SRGAP1: variants seen among roughly 807,000 people sequenced by gnomAD.
SRGAP1 encodes the protein SLIT-ROBO Rho GTPase-activating protein 1.
A neutral mutation model predicts 121.9 loss-of-function variants in SRGAP1; 43 were observed. That is an observed-to-expected ratio of 0.35 (90% CI 0.28 to 0.46). The LOEUF is 0.46. Among genes scored for constraint, SRGAP1 ranks in the 20% least tolerant of loss-of-function variants. The pLI is 1.00. For missense variants in SRGAP1, 1,102 were observed against 1,350.9 expected (o/e 0.82, Z 2.89); for synonymous variants, 447 against 485.4 (o/e 0.92, Z 1.04).
intron 4 of SRGAP1, among the ~76,000 whole-genome samples, chr12:64,033,945 G>A (rs753354712): frequency 2.0e-5 from 3 of 151,958 alleles, no homozygotes; most frequent in South Asian, 2.1e-4. Context: ...GCTTGAACCC[G>A]GTGTGAGGGG....
At chr12:64,048,311 G>T (rs888618491) in intron 6 of SRGAP1, among the ~76,000 whole-genome samples, 2 of 152,092 alleles carry the variant, frequency 1.3e-5, no homozygotes, top group Non-Finnish European at 2.9e-5. Context: ...TTCCACCCAT[G>T]TTGTTGCAAA....
intron 1 of SRGAP1, among the ~76,000 whole-genome samples, chr12:63,926,386 G>T (rs1052078463): frequency 2.0e-5 from 3 of 152,130 alleles, no homozygotes; most frequent in African/African-American, 4.8e-5. Flanking sequence ...CATAGGAGAG[G>T]AAAGTGAAGG....
In SRGAP1 at chr12:64,145,915, A is replaced by G. The variant is rs1013659559; in HGVS notation, c.*3243A>G. On this transcript the variant is annotated 3_prime_UTR_variant, in exon 22 of 22. Coordinates refer to ENST00000355086, the MANE Select transcript of SRGAP1 (RefSeq NM_020762.4). ...GGAGGGGAGCTTTTTGATGGTGGGTAAATAATGGCTCTACAAAGATTACCT... is the reference window on the plus strand; with the variant it reads ...GGAGGGGAGCTTTTTGATGGTGGGTGAATAATGGCTCTACAAAGATTACCT... 6.6e-6 allele frequency: 1 copy of G among 152,162 alleles called. No individual in the cohort carries two copies. Among genetic ancestry groups the G allele is most frequent in the Non-Finnish European group, 1.5e-5 (1 of 68,044 alleles). The allele number at this position is 152,162 out of a possible 1,614,324, so 9.4% of individuals were successfully genotyped here.
chr12:64,078,842 C>A, intron 8 of SRGAP1, 77 bp from the exon 9 acceptor site: 1 of 1,489,126 alleles, frequency 6.7e-7, no homozygotes, highest in Non-Finnish European at 9.1e-7. Flanking sequence ...TCATCTCTAC[C>A]TGACAGAGTG....
At chr12:63,907,846 C>T (rs1041299545) in intron 1 of SRGAP1, among the ~76,000 whole-genome samples, 8 of 152,186 alleles carry the variant, frequency 5.3e-5, no homozygotes, top group African/African-American at 1.9e-4. Flanking sequence ...CTAGCCCTTA[C>T]ATTTAGGCCT....
At chr12:63,951,099 A>G (rs571587982) in intron 1 of SRGAP1, among the ~76,000 whole-genome samples, 4 of 144,710 alleles carry the variant, frequency 2.8e-5, no homozygotes, top group South Asian at 2.3e-4. Flanking sequence ...CCTGACACAT[A>G]GTAAGTACTT....
intron 8 of SRGAP1, among the ~76,000 whole-genome samples, chr12:64,074,521 G>A (rs1287987003): frequency 6.6e-6 from 1 of 152,114 alleles, no homozygotes; most frequent in East Asian, 1.9e-4. Context: ...AGCCCAAGAA[G>A]GCCAGGGTCT....
chr12:64,119,332 T>C (rs867221171), intron 18 of SRGAP1, among the ~76,000 whole-genome samples: 22 of 152,222 alleles, frequency 1.4e-4, no homozygotes, highest in Admixed American at 2.6e-4. Context: ...ACCTCTGCTT[T>C]GTAATTCTTG....
intron 1 of SRGAP1, among the ~76,000 whole-genome samples, chr12:63,856,397 A>G (rs2136260474): frequency 6.6e-6 from 1 of 152,294 alleles, no homozygotes; most frequent in Non-Finnish European, 1.5e-5. Context: ...CTCTAAAGTC[A>G]GGAAGATACC....
intron 3 of SRGAP1, among the ~76,000 whole-genome samples, chr12:64,008,364 G>A (rs2034149814): frequency 6.6e-6 from 1 of 151,490 alleles, no homozygotes; most frequent in Middle Eastern, 3.5e-3. Flanking sequence ...CCATAAGAAT[G>A]TTTTTCTTTT....
At chr12:64,065,060 T>A in intron 7 of SRGAP1, 58 bp from the exon 8 acceptor site, 1 of 1,269,296 alleles carries the variant, frequency 7.9e-7, no homozygotes, top group South Asian at 1.3e-5. Context: ...AACAGAGCCG[T>A]GCTTCTGGAG....
intron 6 of SRGAP1, among the ~76,000 whole-genome samples, chr12:64,057,916 T>G (rs2035373605): frequency 6.6e-6 from 1 of 152,206 alleles, no homozygotes; most frequent in South Asian, 2.1e-4. Flanking sequence ...TGAACGACTG[T>G]GGCTGCTACT....
intron 4 of SRGAP1, among the ~76,000 whole-genome samples, chr12:64,026,086 TA>T (rs34999662): frequency 0.045 from 6,740 of 148,380 alleles, 506 homozygotes; most frequent in African/African-American, 0.16. Flanking sequence ...CTGTCTTCTT[TA>T]AAAAAAAAAG....
chr12:64,014,695 A>AC (rs768592303), intron 3 of SRGAP1, among the ~76,000 whole-genome samples: 6 of 151,932 alleles, frequency 3.9e-5, no homozygotes, highest in Non-Finnish European at 8.8e-5. Context: ...ATAACCCCAA[A>AC]CCTAAATCTT....
intron 1 of SRGAP1, among the ~76,000 whole-genome samples, chr12:63,949,386 A>G (rs2032207040): frequency 7.7e-6 from 1 of 129,660 alleles, no homozygotes; most frequent in African/African-American, 2.9e-5. Flanking sequence ...TGGATCAGAC[A>G]TTTTTATTAT....
In SRGAP1 at chr12:64,152,415, C is replaced by A. The variant is rs965191970; in HGVS notation, c.*9743C>A. On this transcript the variant is annotated 3_prime_UTR_variant, in exon 22 of 22. Transcript: ENST00000355086. Reference sequence around the variant, plus strand: ...GTCATTACCCTGCTCAAAAGCCACACGTGGGTCCCCACTGCTGCAGGACGG... The same window carrying A: ...GTCATTACCCTGCTCAAAAGCCACAAGTGGGTCCCCACTGCTGCAGGACGG... 3 of 152,366 alleles carry A rather than the reference C, an allele frequency of 2.0e-5. No individual in the cohort carries two copies. Among genetic ancestry groups the A allele is most frequent in the Non-Finnish European group, 4.4e-5 (3 of 68,082 alleles). The allele number at this position is 152,366 out of a possible 1,614,324, so 9.4% of individuals were successfully genotyped here.
At chr12:63,987,395 T>C (rs567339503) in intron 2 of SRGAP1, among the ~76,000 whole-genome samples, 1 of 152,300 alleles carries the variant, frequency 6.6e-6, no homozygotes, top group Admixed American at 6.5e-5. Flanking sequence ...CAAATCAGTA[T>C]GCCTTGCTAA....
chr12:64,128,233 A>T, intron 21 of SRGAP1, 33 bp downstream of exon 21: 1 of 1,557,882 alleles, frequency 6.4e-7, no homozygotes, highest in East Asian at 2.3e-5. Flanking sequence ...TTGCATTTTA[A>T]GTACCTAAGT....
At chr12:63,851,979 T>G (rs1899089312) in intron 1 of SRGAP1, among the ~76,000 whole-genome samples, 1 of 152,070 alleles carries the variant, frequency 6.6e-6, no homozygotes, top group Non-Finnish European at 1.5e-5. Context: ...TTTCTTTCTA[T>G]CTACTGTATT....
Sources: allele counts gnomAD v4.1 joint callset (sites outside exome capture counted in the v4.1 genomes callset), GRCh38; gene constraint gnomAD v4.1.1; transcripts MANE v1.5; gene names NCBI Gene and HGNC (gene_info 2026-07-23, HGNC 2026-07-21).